Variants in RIMS2 observed in about 807,000 individuals in gnomAD.
The protein encoded by RIMS2 is regulating synaptic membrane exocytosis protein 2.
Under a neutral mutation model 174.4 loss-of-function variants are expected in RIMS2, and 59 were observed. The ratio of observed to expected loss-of-function variants is 0.34; its 90% CI spans 0.27 to 0.42. The LOEUF (loss-of-function observed/expected upper bound fraction) is 0.42, where lower values mean the gene tolerates loss of function less well. Among genes scored for constraint, RIMS2 ranks in the 10% least tolerant of loss-of-function variants. The pLI, the probability that RIMS2 is intolerant of heterozygous loss-of-function variation, is 1.00. For missense variants in RIMS2, 1,620 were observed against 1,666.3 expected (o/e 0.97, Z 0.48); for synonymous variants, 606 against 572.5 (o/e 1.06, Z -0.84).
At chr8:103,612,013 C>T (rs896273101) in intron 1 of RIMS2, among the ~76,000 whole-genome samples, 2 of 151,510 alleles carry the variant, frequency 1.3e-5, no homozygotes, top group African/African-American at 4.9e-5. Flanking sequence ...TTTCAAATAG[C>T]TGTCTTCAAG....
intron 19 of RIMS2, among the ~76,000 whole-genome samples, chr8:104,135,566 A>G (rs2098511608): frequency 6.9e-6 from 1 of 145,490 alleles, no homozygotes; most frequent in East Asian, 2.2e-4. Flanking sequence ...TGATCACGCC[A>G]GTGCACTCCA....
At chr8:104,099,823 C>CTT (rs200744209) in intron 19 of RIMS2, among the ~76,000 whole-genome samples, 16 of 146,296 alleles carry the variant, frequency 1.1e-4, no homozygotes, top group South Asian at 2.2e-4. Context: ...TCTTTACTTT[C>CTT]TTTTTTTTTT....
At chr8:103,819,141 G>T in intron 3 of RIMS2, 1 of 939,010 alleles carries the variant, frequency 1.1e-6, no homozygotes, top group Non-Finnish European at 1.3e-6. Context: ...TAAAACTCCT[G>T]ACGACAGCAT....
rs182547545 is a variant in RIMS2 at position 104,051,285 on chromosome 8, T to C, written c.3334+36670T>C. Among the ~76,000 whole-genome samples the C allele has an allele frequency of 2.0e-5, 3 of 152,140 alleles. No individual in the cohort carries two copies. The East Asian group carries it at 5.8e-4, about 29-fold the overall frequency. ...ATATATATATGTATGTGTGTGTATATATATACACTCACACACACATATATA... is the reference window on the plus strand; with the variant it reads ...ATATATATATGTATGTGTGTGTATACATATACACTCACACACACATATATA... On this transcript the variant is annotated intron_variant, in intron 19 of 23. Transcript: ENST00000504942.
At chr8:103,554,661 C>T (rs1028687444) in intron 1 of RIMS2, among the ~76,000 whole-genome samples, 1 of 152,026 alleles carries the variant, frequency 6.6e-6, no homozygotes, top group Non-Finnish European at 1.5e-5. Context: ...AAGTATAATT[C>T]GACCCAGCAA....
intron 16 of RIMS2, among the ~76,000 whole-genome samples, chr8:103,986,803 G>A (rs1003376356): frequency 1.3e-5 from 2 of 151,678 alleles, no homozygotes; most frequent in African/African-American, 4.8e-5. Context: ...TACCTGGGAG[G>A]TGGAGGTTGC....
exon 3 of RIMS2, chr8:103,766,365 C>T: frequency 6.2e-7 from 1 of 1,613,786 alleles, no homozygotes; most frequent in South Asian, 1.1e-5. Context: ...TGAGGAGGCA[C>T]CTCAGGAGAA....
At chr8:103,609,405 G>A (rs796725590) in intron 1 of RIMS2, among the ~76,000 whole-genome samples, 23 of 152,210 alleles carry the variant, frequency 1.5e-4, no homozygotes, top group African/African-American at 5.1e-4. Flanking sequence ...AATTGCTGTT[G>A]GCATCTTTGT....
At chr8:103,664,208 C>T (rs1242967362) in intron 1 of RIMS2, among the ~76,000 whole-genome samples, 7 of 152,204 alleles carry the variant, frequency 4.6e-5, no homozygotes, top group African/African-American at 1.7e-4. Context: ...CCATTCAGGA[C>T]ATAGGCATGG....
intron 1 of RIMS2, among the ~76,000 whole-genome samples, chr8:103,528,546 T>A (rs1463502746): frequency 3.3e-5 from 5 of 152,246 alleles, no homozygotes; most frequent in African/African-American, 1.2e-4. Context: ...AAGTCTTTAG[T>A]CCATCTTGAA....
chr8:103,853,603 C>G (rs1593846555), intron 3 of RIMS2, among the ~76,000 whole-genome samples: 1 of 152,102 alleles, frequency 6.6e-6, no homozygotes, highest in South Asian at 2.1e-4. Flanking sequence ...CTGCATATGA[C>G]TAGCCAGTTG....
At chr8:104,157,756 A>G (rs76129604) in intron 19 of RIMS2, among the ~76,000 whole-genome samples, 522 of 152,256 alleles carry the variant, frequency 3.4e-3, no homozygotes, top group Non-Finnish European at 5.8e-3. Context: ...CCTTCTGGCT[A>G]TTGTGAATAA....
intron 19 of RIMS2, among the ~76,000 whole-genome samples, chr8:104,023,812 A>G (rs890647591): frequency 2.0e-5 from 3 of 152,320 alleles, no homozygotes; most frequent in Middle Eastern, 6.8e-3. Context: ...GTAGATAATG[A>G]AGAGGTCCAA....
rs750510077 is a variant in RIMS2 at position 103,941,696 on chromosome 8, A to G, written c.2548-1077A>G. On this transcript the variant is annotated intron_variant, in intron 13 of 23. Transcript: ENST00000504942. The stretch of plus-strand genomic sequence containing the variant: ...TAAAAATATTCCTATTATAAAATTT[A>G]TATTATAATATGGTTCATATTTAAA... Among the ~76,000 whole-genome samples, 8 of 152,184 alleles carry G rather than the reference A, an allele frequency of 5.3e-5. 1 individual carries two copies. The highest frequency in any genetic ancestry group is 3.2e-3 in the Middle Eastern group (1 of 316).
intron 19 of RIMS2, among the ~76,000 whole-genome samples, chr8:104,207,349 C>A (rs184032104): frequency 5.2e-4 from 79 of 152,128 alleles, no homozygotes; most frequent in Non-Finnish European, 8.8e-4. Context: ...AATTTAAATC[C>A]AGTTTAATAT....
At position 104,241,463 on chromosome 8, in the gene RIMS2, C is replaced by T. The variant is rs140585559; in HGVS notation, c.3335-3453C>T. 1.1e-4 allele frequency among the ~76,000 whole-genome samples: 16 copies of T among 152,250 alleles called. No individual in the cohort carries two copies. The East Asian group carries it at 3.1e-3, about 29-fold the overall frequency. ...GCTGGTTCTCATAACCCTATAATGGCAGATTTTCAAGTCGCTTTAACTATG... is the reference window on the plus strand; with the variant it reads ...GCTGGTTCTCATAACCCTATAATGGTAGATTTTCAAGTCGCTTTAACTATG... On this transcript the variant is annotated intron_variant, in intron 19 of 23. Transcript: ENST00000504942.
At chr8:103,558,380 C>T (rs986680746) in intron 1 of RIMS2, among the ~76,000 whole-genome samples, 3 of 152,086 alleles carry the variant, frequency 2.0e-5, no homozygotes, top group African/African-American at 2.4e-5. Context: ...TACACCACCA[C>T]GCCTGGCTAA....
chr8:103,809,476 T>C (rs1486603049), intron 3 of RIMS2, among the ~76,000 whole-genome samples: 5 of 152,216 alleles, frequency 3.3e-5, no homozygotes, highest in African/African-American at 1.2e-4. Flanking sequence ...CTTTTCTTTT[T>C]CTCTTCTTCC....
chr8:103,915,062 A>G (rs1261979058), intron 6 of RIMS2, among the ~76,000 whole-genome samples: 2 of 152,084 alleles, frequency 1.3e-5, no homozygotes, highest in Non-Finnish European at 2.9e-5. Context: ...TGTTTCTAAA[A>G]GATTATCAAT....
Sources: gnomAD v4.1 joint callset for allele counts (sites outside exome capture counted in the v4.1 genomes callset) on GRCh38, gnomAD v4.1.1 for gene constraint, MANE v1.5 for transcripts, NCBI Gene and HGNC (gene_info 2026-07-23, HGNC 2026-07-21) for gene names.